The following ATP8A2 variants were observed in gnomAD, a reference collection of about 807,000 sequenced individuals.
ATP8A2 encodes the protein ATPase phospholipid transporting 8A2, also known as phospholipid-transporting ATPase IB.
Under a neutral mutation model 165.6 loss-of-function variants are expected in ATP8A2, and 100 were observed. That is an observed-to-expected ratio of 0.60 (90% CI 0.51 to 0.71). The LOEUF (loss-of-function observed/expected upper bound fraction) is 0.71, where lower values mean the gene tolerates loss of function less well. Ranked by LOEUF, ATP8A2 falls within the 30% of genes least tolerant of loss-of-function variation. ATP8A2 has a pLI of 0.00. For synonymous variants in ATP8A2, 543 were observed against 548.8 expected (o/e 0.99, Z 0.15); for missense variants, 1,227 against 1,479.5 (o/e 0.83, Z 2.80).
At chr13:25,428,097 T>C (rs1210278751) in intron 1 of ATP8A2, among the ~76,000 whole-genome samples, 1 of 151,964 alleles carries the variant, frequency 6.6e-6, no homozygotes, top group African/African-American at 2.4e-5. Flanking sequence ...GGTGGAAGGA[T>C]CGCTTGAACC....
chr13:25,769,397 T>G (rs1189829429), intron 26 of ATP8A2, among the ~76,000 whole-genome samples, 168 bp downstream of exon 26: 2 of 152,184 alleles, frequency 1.3e-5, no homozygotes, highest in African/African-American at 4.8e-5. Flanking sequence ...GTTGTGATCT[T>G]GTGCAGTTTG....
intron 27 of ATP8A2, among the ~76,000 whole-genome samples, chr13:25,786,677 G>A (rs2045034382): frequency 6.6e-6 from 1 of 151,016 alleles, no homozygotes; most frequent in Non-Finnish European, 1.5e-5. Context: ...TATTTGTATA[G>A]TATATTATTT....
Position 25,533,305 on chromosome 13 carries a change from T to C in ATP8A2, c.499T>C (p.Trp167Arg). ...LRNGMWHTIM[W>R]KEVAVGDIVK... ...AAATGGTATGTGGCATACCATTATG[T>C]GGAAAGAGGTAAAAACTAATTTTAA... The change falls in exon 6 of 37, where the codon TGG becomes CGG. Residue 167 changes from tryptophan (W) to arginine (R), a missense_variant. Trp to Arg is a moderately radical substitution (Grantham distance 101). This residue lies in a region of ATP8A2 where 356 missense variants were observed against 394.9 expected (regional missense o/e 0.90). Transcript: ENST00000381655. The C allele has an allele frequency of 6.6e-7, 1 of 1,507,898 alleles. No individual in the cohort carries two copies. The highest frequency in any genetic ancestry group is 9.2e-7 in the Non-Finnish European group (1 of 1,087,468). The allele number at this position is 1,507,898 out of a possible 1,614,324, so 93.4% of individuals were successfully genotyped here.
intron 27 of ATP8A2, among the ~76,000 whole-genome samples, chr13:25,782,309 A>G (rs1439424380): frequency 6.6e-6 from 1 of 152,262 alleles, no homozygotes; most frequent in Non-Finnish European, 1.5e-5. Context: ...GTTAATAAGT[A>G]AAAGGCAAAT....
At chr13:26,010,225 C>G (rs1223349236) in intron 35 of ATP8A2, among the ~76,000 whole-genome samples, 1 of 152,188 alleles carries the variant, frequency 6.6e-6, no homozygotes, top group Non-Finnish European at 1.5e-5. Flanking sequence ...TCTGTTTTCT[C>G]ACCTGCCTGG....
chr13:25,539,600 G>C (rs1265618831), intron 7 of ATP8A2, among the ~76,000 whole-genome samples: 1 of 152,090 alleles, frequency 6.6e-6, no homozygotes, highest in African/African-American at 2.4e-5. Flanking sequence ...GAGATACGGA[G>C]AGACTAAACA....
chr13:25,534,766 G>C (rs1268984709), intron 6 of ATP8A2, among the ~76,000 whole-genome samples: 1 of 152,246 alleles, frequency 6.6e-6, no homozygotes, highest in African/African-American at 2.4e-5. Context: ...ATGAAGCTCA[G>C]CGCTTCCCTT....
In ATP8A2 at chr13:25,787,784, G is replaced by T. The variant is rs551667535; in HGVS notation, c.2679+12825G>T. On this transcript the variant is annotated intron_variant, in intron 27 of 36. Transcript: ENST00000381655. ...GGGGAGTCCTGGAAGTCCAGCTTTG[G>T]GGTCTGGGAACCAGGGAACCAGGGA... Among the ~76,000 whole-genome samples, 19 of 152,338 alleles carry T rather than the reference G, an allele frequency of 1.2e-4. 1 individual carries two copies. In the South Asian group the frequency reaches 3.1e-3, roughly 25 times the overall value.
chr13:25,706,487 A>G (rs2043057168), intron 25 of ATP8A2, among the ~76,000 whole-genome samples: 1 of 152,184 alleles, frequency 6.6e-6, no homozygotes, highest in African/African-American at 2.4e-5. Flanking sequence ...GGCATGATGG[A>G]TAATAGGAAA....
rs183163163 is a variant in ATP8A2, at chr13:25,884,975, G to A, written c.3183+22567G>A. Among the ~76,000 whole-genome samples the A allele has an allele frequency of 1.1e-3, 165 of 152,232 alleles. 1 individual carries two copies. The highest frequency in any genetic ancestry group is 2.0e-3 in the Admixed American group (30 of 15,288). On this transcript the variant is annotated intron_variant, in intron 33 of 36. Coordinates refer to ENST00000381655, the MANE Select transcript of ATP8A2 (RefSeq NM_016529.6). ...AGAGATGTAAGGGGCTTGATGCTGT[G>A]CCCTTGCCTGCATGGCCTTCCTGTT...
chr13:25,794,872 C>T (rs1950467573), intron 27 of ATP8A2, among the ~76,000 whole-genome samples: 1 of 150,050 alleles, frequency 6.7e-6, no homozygotes, highest in Admixed American at 6.7e-5. Context: ...TTCTCTCTCT[C>T]TCTGCCTGCC....
chr13:25,446,846 ATTTTGTTTTG>A (rs67383062), intron 1 of ATP8A2, among the ~76,000 whole-genome samples: 2 of 150,854 alleles, frequency 1.3e-5, no homozygotes, highest in Admixed American at 1.3e-4. Context: ...TAAACCTAGG[ATTTTGTTTTG>A]TTTTGTTTTG....
At chr13:25,871,514 T>C (rs1185156072) in intron 33 of ATP8A2, among the ~76,000 whole-genome samples, 2 of 152,174 alleles carry the variant, frequency 1.3e-5, no homozygotes, top group East Asian at 1.9e-4. Flanking sequence ...CAAGAAAACA[T>C]GACCACGGTA....
chr13:25,741,743 T>C (rs2043917635), intron 25 of ATP8A2, among the ~76,000 whole-genome samples: 2 of 152,158 alleles, frequency 1.3e-5, no homozygotes, highest in Non-Finnish European at 2.9e-5. Flanking sequence ...AAATACAACC[T>C]TCATAAAATG....
chr13:25,899,332 G>A (rs1953665276), intron 33 of ATP8A2, among the ~76,000 whole-genome samples: 1 of 152,192 alleles, frequency 6.6e-6, no homozygotes, highest in Non-Finnish European at 1.5e-5. Context: ...TCTGCTCCTT[G>A]TGGTGTGACA....
chr13:25,511,648 G>A (rs1566201536), intron 2 of ATP8A2, among the ~76,000 whole-genome samples: 1 of 151,642 alleles, frequency 6.6e-6, no homozygotes, highest in East Asian at 1.9e-4. Flanking sequence ...CTATTAAGAG[G>A]CTCAATTTCA....
chr13:25,720,961 C>CTTT (rs57485267), intron 25 of ATP8A2, among the ~76,000 whole-genome samples: 1 of 129,764 alleles, frequency 7.7e-6, no homozygotes, highest in Admixed American at 7.7e-5. Context: ...GGAGCTTTAG[C>CTTT]TTTTTTTTTT....
chr13:25,465,754 TCTC>T (rs2035645681), intron 1 of ATP8A2, among the ~76,000 whole-genome samples: 2 of 56,184 alleles, frequency 3.6e-5, no homozygotes, highest in African/African-American at 1.3e-4. Flanking sequence ...CCTCCCTCTC[TCTC>T]TCTCTTTCTC....
chr13:25,454,284 T>C (rs1389071102), intron 1 of ATP8A2, among the ~76,000 whole-genome samples: 1 of 152,224 alleles, frequency 6.6e-6, no homozygotes, highest in African/African-American at 2.4e-5. Flanking sequence ...GCTCAAGTGC[T>C]GTTGTCATTA....
Sources: gnomAD v4.1 joint callset for allele counts (sites outside exome capture counted in the v4.1 genomes callset) on GRCh38, gnomAD v4.1.1 for gene constraint, gnomAD v4.1.1 regional missense constraint, MANE v1.5 for transcripts, NCBI Gene and HGNC (gene_info 2026-07-23, HGNC 2026-07-21) for gene names.